The following MDH1B variants were observed in gnomAD, a reference collection of about 807,000 sequenced individuals.
The protein encoded by MDH1B is malate dehydrogenase 1B.
A neutral mutation model predicts 61.4 loss-of-function variants in MDH1B; 60 were observed. That is an observed-to-expected ratio of 0.98 (90% CI 0.79 to 1.21). The LOEUF (loss-of-function observed/expected upper bound fraction) is 1.21, where lower values mean the gene tolerates loss of function less well. Among genes scored for constraint, MDH1B ranks in the 50% most tolerant of loss-of-function variants. The pLI, the probability that MDH1B is intolerant of heterozygous loss-of-function variation, is 0.00. For synonymous variants in MDH1B, 236 were observed against 218.7 expected, an observed-to-expected ratio of 1.08 and a Z score of -0.70; for missense variants, 587 against 632.1, an observed-to-expected ratio of 0.93 and a Z score of 0.76.
chr2:206,739,263 A>C (rs1036645467), intron 11 of MDH1B, among the ~76,000 whole-genome samples: 3 of 152,134 alleles, frequency 2.0e-5, no homozygotes, highest in African/African-American at 7.2e-5. Context: ...AAAAAAATTA[A>C]AAATTAGTTG....
At chr2:206,739,481 G>T in intron 11 of MDH1B, 112 bp downstream of exon 11, 1 of 932,640 alleles carries the variant, frequency 1.1e-6, no homozygotes, top group African/African-American at 1.7e-5. Flanking sequence ...GGGGAATGTG[G>T]GAAGTGGGGA....
In MDH1B at chr2:206,765,260, G is replaced by T; in HGVS notation, c.12C>A (p.Phe4Leu). The T allele has an allele frequency of 1.9e-6, 3 of 1,602,412 alleles. No individual in the cohort carries two copies. Among genetic ancestry groups the T allele is most frequent in the African/African-American group, 1.3e-5 (1 of 74,094 alleles). The change falls in exon 1 of 12, where the codon TTC becomes TTA. Residue 4 changes from phenylalanine to leucine, a missense_variant. Coordinates refer to ENST00000374412, the MANE Select transcript of MDH1B (RefSeq NM_001039845.3). MAKFVIAGRADCPY... is the reference protein window; with the variant it reads MAKLVIAGRADCPY... ...GCGGGGATCACTCACCCGCGATGAC[G>T]AATTTGGCCATGGTCGAGAGAGACT...
intron 1 of MDH1B, among the ~76,000 whole-genome samples, chr2:206,762,066 G>A (rs946488191): frequency 3.9e-5 from 6 of 152,054 alleles, no homozygotes; most frequent in Admixed American, 6.6e-5. Context: ...AGAACCAAGC[G>A]GAGGGCACCT....
rs572858194 is a variant in MDH1B at position 206,756,671 on chromosome 2, C to G, written c.413+227G>C. 6 of 501,846 alleles carry G rather than the reference C, an allele frequency of 1.2e-5. No homozygotes were observed. In the South Asian group the frequency reaches 1.6e-4, roughly 14 times the overall value. 31.1% of individuals were successfully genotyped at this position (501,846 alleles called of 1,614,324 possible). A position where few individuals can be genotyped will look rare whatever the true frequency, so the allele number is the denominator to read the frequency against. The stretch of plus-strand genomic sequence containing the variant: ...ATAGAGTTGTTTTTAGACCAAGTGA[C>G]TGTGTTTGTGTCTATAAAACATAAA... On this transcript the variant is annotated intron_variant, in intron 4 of 11. Coordinates refer to ENST00000374412, the MANE Select transcript of MDH1B (RefSeq NM_001039845.3).
intron 8 of MDH1B, 57 bp from the exon 9 acceptor site, chr2:206,745,730 C>CTTT (rs140066038): frequency 2.3e-3 from 1,699 of 746,622 alleles, no homozygotes; most frequent in South Asian, 4.5e-3. Context: ...CTTAATTCTT[C>CTTT]TTTTTTTTTT....
intron 7 of MDH1B, among the ~76,000 whole-genome samples, chr2:206,747,736 A>G (rs954230197): frequency 4.6e-5 from 7 of 152,208 alleles, no homozygotes; most frequent in African/African-American, 1.7e-4. Context: ...GAGGAGAGAC[A>G]GAGATTAATT....
chr2:206,765,304 C>T lies in MDH1B; in HGVS notation c.-33G>A, dbSNP rs201697729. 1.5e-4 allele frequency: 229 copies of T among 1,578,328 alleles called. No individual in the cohort carries two copies. Among genetic ancestry groups the T allele is most frequent in the Non-Finnish European group, 1.9e-4 (221 of 1,167,240 alleles). ...AGAGACTCAGAGGCAGGGACCGCGG[C>T]TTCGCGGTTTCCTGGCAACCACGCA... On this transcript the variant is annotated 5_prime_UTR_variant, in exon 1 of 12. Coordinates refer to ENST00000374412, the MANE Select transcript of MDH1B (RefSeq NM_001039845.3).
At chr2:206,739,266 A>G (rs1687672604) in intron 11 of MDH1B, among the ~76,000 whole-genome samples, 2 of 152,120 alleles carry the variant, frequency 1.3e-5, no homozygotes, top group South Asian at 2.1e-4. Context: ...AAAATTAAAA[A>G]TTAGTTGGGA....
At chr2:206,748,308 G>C (rs1010970065) in intron 7 of MDH1B, among the ~76,000 whole-genome samples, 4 of 152,234 alleles carry the variant, frequency 2.6e-5, no homozygotes, top group Non-Finnish European at 4.4e-5. Context: ...GAACCCAGAA[G>C]GAGGGGGTTG....
At chr2:206,747,964 G>C (rs1467805096) in intron 7 of MDH1B, among the ~76,000 whole-genome samples, 1 of 152,204 alleles carries the variant, frequency 6.6e-6, no homozygotes, top group Non-Finnish European at 1.5e-5. Flanking sequence ...AGAGGTCCAG[G>C]TCTGCAGCTC....
At chr2:206,753,938 C>A (rs927979715) in intron 5 of MDH1B, among the ~76,000 whole-genome samples, 2 of 149,042 alleles carry the variant, frequency 1.3e-5, no homozygotes, top group African/African-American at 4.9e-5. Flanking sequence ...AGTAGTGTAT[C>A]ATAGACTTTC....
intron 11 of MDH1B, among the ~76,000 whole-genome samples, 175 bp from the exon 12 acceptor site, chr2:206,738,686 T>C (rs1687634144): frequency 6.6e-6 from 1 of 152,182 alleles, no homozygotes; most frequent in South Asian, 2.1e-4. Flanking sequence ...TAGTTAGGTA[T>C]TTTCATATAG....
At chr2:206,743,807 T>C (rs533874138) in intron 9 of MDH1B, among the ~76,000 whole-genome samples, 3 of 152,214 alleles carry the variant, frequency 2.0e-5, no homozygotes, top group African/African-American at 7.2e-5. Context: ...CAATAGTAAA[T>C]CTGCCCAGTT....
chr2:206,761,224 T>A (rs1290804089), intron 1 of MDH1B, among the ~76,000 whole-genome samples: 1 of 152,188 alleles, frequency 6.6e-6, no homozygotes, highest in Non-Finnish European at 1.5e-5. Flanking sequence ...GAATCTTAAG[T>A]AACAAAATGT....
At chr2:206,765,014 T>C (rs899372847) in intron 1 of MDH1B, among the ~76,000 whole-genome samples, 6 of 152,310 alleles carry the variant, frequency 3.9e-5, no homozygotes, top group African/African-American at 1.4e-4. Flanking sequence ...CAAAAGTACA[T>C]GTTCTGTGCC....
At chr2:206,745,276 C>T in intron 9 of MDH1B, 1 of 440,700 alleles carries the variant, frequency 2.3e-6, no homozygotes, top group South Asian at 1.7e-5. Flanking sequence ...CCTGCTGATA[C>T]CTCACATCAG....
At position 206,740,963 on chromosome 2, in the gene MDH1B, C is replaced by T. The variant is rs568321967; in HGVS notation, c.1459+91G>A. On this transcript the variant is annotated intron_variant, in intron 10 of 11. Coordinates refer to ENST00000374412, the MANE Select transcript of MDH1B (RefSeq NM_001039845.3). ...GCAGTTATTTAAAACTTGCTTTGGT[C>T]GCTAGACCATAACATTATTCTCTAA... 783 of 1,553,258 alleles carry T rather than the reference C, an allele frequency of 5.0e-4. 10 individuals carry two copies. In the South Asian group the frequency reaches 7.2e-3, roughly 14 times the overall value.
At chr2:206,747,075 C>G (rs1260806695) in intron 7 of MDH1B, among the ~76,000 whole-genome samples, 2 of 152,044 alleles carry the variant, frequency 1.3e-5, no homozygotes, top group African/African-American at 2.4e-5. Context: ...ACCATTCAGA[C>G]AAAATTGTCC....
chr2:206,746,533 G>T (rs2302921), intron 7 of MDH1B, 107 bp from the exon 8 acceptor site: 101,826 of 1,165,414 alleles, frequency 0.087, 9,905 homozygotes, highest in East Asian at 0.48. Context: ...GATTTTTAAT[G>T]ATAATGATGG....
Sources: allele counts gnomAD v4.1 joint callset (sites outside exome capture counted in the v4.1 genomes callset), GRCh38; gene constraint gnomAD v4.1.1; transcripts MANE v1.5; gene names NCBI Gene and HGNC (gene_info 2026-07-23, HGNC 2026-07-21).